EIF2AK4: variants seen among roughly 807,000 people sequenced by gnomAD.
EIF2AK4 encodes eIF-2-alpha kinase GCN2.
EIF2AK4 carries 139 observed loss-of-function variants against 211.1 expected under a neutral mutation model. That is an observed-to-expected ratio of 0.66 (90% CI 0.57 to 0.76). The LOEUF is 0.76. Among genes scored for constraint, EIF2AK4 ranks in the 30% least tolerant of loss-of-function variants. The pLI is 0.00. For missense variants in EIF2AK4, 1,664 were observed against 2,043.8 expected (o/e 0.81, Z 3.58); for synonymous variants, 710 against 751.3 (o/e 0.94, Z 0.90).
In EIF2AK4 at chr15:39,943,486, G is replaced by A; in HGVS notation, c.360+1G>A. Reference sequence around the variant, plus strand: ...ACTGGCCAAGAAACACTGTGGGGAGGTAAGATTTGTTAAACTGGAATTAAA... The same window carrying A: ...ACTGGCCAAGAAACACTGTGGGGAGATAAGATTTGTTAAACTGGAATTAAA... On this transcript the variant is annotated splice_donor_variant, in intron 3 of 38. Coordinates refer to ENST00000263791, the MANE Select transcript of EIF2AK4 (RefSeq NM_001013703.4). LOFTEE classifies it high-confidence loss of function. 3.2e-6 allele frequency: 5 copies of A among 1,572,180 alleles called. No homozygotes were observed. The highest frequency in any genetic ancestry group is 4.3e-6 in the Non-Finnish European group (5 of 1,166,152).
At position 40,017,192 on chromosome 15, in the gene EIF2AK4, CA is replaced by C; in HGVS notation, c.4018del (p.Arg1340GlyfsTer16). ...GTTTGTGGCTTTCATCAAACGAAGGCAAAGGGCTGTACCTGAAATCCTCGCA... is the reference window on the plus strand; with the variant it reads ...GTTTGTGGCTTTCATCAAACGAAGGCAAGGGCTGTACCTGAAATCCTCGCA... ...FQFVAFIKRRQRAVPEILAAG... is the reference protein window; with the variant it reads ...FQFVAFIKRRXRAVPEILAAG... On this transcript the variant is annotated frameshift_variant, in exon 29 of 39. Coordinates refer to ENST00000263791, the MANE Select transcript of EIF2AK4 (RefSeq NM_001013703.4). LOFTEE classifies it high-confidence loss of function. 6.2e-7 allele frequency: 1 copy of C among 1,613,956 alleles called. No homozygotes were observed. The highest frequency in any genetic ancestry group is 8.5e-7 in the Non-Finnish European group (1 of 1,179,888).
Position 39,967,388 on chromosome 15 carries a change from C to A in EIF2AK4, c.1062C>A (p.Ser354Arg), listed in dbSNP as rs369642562. The A allele has an allele frequency of 1.7e-5, 28 of 1,605,412 alleles. No homozygotes were observed. The highest frequency in any genetic ancestry group is 2.3e-5 in the Non-Finnish European group (27 of 1,173,608). ...AATTCAACTCACTGGTAAAATTGAG[C>A]CATCCAAATGTAGTACGCTACCTTG... Reference protein sequence around the residue: ...ETEFNSLVKLSHPNVVRYLAM... With the variant: ...ETEFNSLVKLRHPNVVRYLAM... The change falls in exon 9 of 39, where the codon AGC becomes AGA. Residue 354 changes from serine to arginine, a missense_variant. By Grantham distance (110) the Ser-to-Arg change is moderately radical (BLOSUM62 -1). Transcript: ENST00000263791.
intron 6 of EIF2AK4, among the ~76,000 whole-genome samples, chr15:39,957,963 A>G (rs1595547739): frequency 6.6e-6 from 1 of 152,364 alleles, no homozygotes; most frequent in East Asian, 1.9e-4. Context: ...TAAAGGCCTG[A>G]TACTCAAAGG....
At chr15:40,029,728 C>A (rs1037889118) in intron 34 of EIF2AK4, among the ~76,000 whole-genome samples, 28 of 152,158 alleles carry the variant, frequency 1.8e-4, no homozygotes, top group African/African-American at 6.5e-4. Flanking sequence ...ATTTATTGTA[C>A]AAGTGAAATG....
intron 11 of EIF2AK4, chr15:39,974,450 A>T (rs1383731829): frequency 6.6e-6 from 1 of 152,194 alleles, no homozygotes; most frequent in Non-Finnish European, 1.5e-5. Context: ...ATTGTCTGTT[A>T]AGGATTCTGA....
At position 40,016,450 on chromosome 15, in the gene EIF2AK4, G is replaced by C; in HGVS notation, c.3760-52G>C. The C allele has an allele frequency of 3.1e-6, 5 of 1,609,360 alleles. No individual in the cohort carries two copies. In the South Asian group the frequency reaches 5.5e-5, roughly 18 times the overall value. ...CAGGTGCACACAGTCGGTGCAAAGG[G>C]AGTCTTCCCCTGCTGTGGATGGGCA... On this transcript the variant is annotated intron_variant, in intron 27 of 38. Coordinates refer to ENST00000263791, the MANE Select transcript of EIF2AK4 (RefSeq NM_001013703.4).
intron 13 of EIF2AK4, among the ~76,000 whole-genome samples, chr15:39,979,661 C>T (rs553886765): frequency 1.3e-5 from 2 of 152,146 alleles, no homozygotes; most frequent in East Asian, 3.9e-4. Context: ...TGTCTTTTTG[C>T]CCACATTTAA....
Position 40,026,094 on chromosome 15 carries a change from C to T in EIF2AK4, c.4502+5C>T. 1 of 1,612,504 alleles carries T rather than the reference C, an allele frequency of 6.2e-7. No individual in the cohort carries two copies. The highest frequency in any genetic ancestry group is 8.5e-7 in the Non-Finnish European group (1 of 1,178,870). On this transcript the variant is annotated splice_donor_5th_base_variant and intron_variant, in intron 33 of 38. Coordinates refer to ENST00000263791, the MANE Select transcript of EIF2AK4 (RefSeq NM_001013703.4). Reference sequence around the variant, plus strand: ...CACTGATGAAAGGAATGGCAGGTAACTTAGGAAACAAAAGCCGAGAAAAGT... The same window carrying T: ...CACTGATGAAAGGAATGGCAGGTAATTTAGGAAACAAAAGCCGAGAAAAGT...
chr15:39,939,710 T>C lies in EIF2AK4; in HGVS notation c.257+93T>C, dbSNP rs2034118182. The C allele has an allele frequency of 4.2e-6, 4 of 957,750 alleles. No individual in the cohort carries two copies. The Admixed American group carries it at 1.1e-4, about 26-fold the overall frequency. The allele number at this position is 957,750 out of a possible 1,614,324, so 59.3% of individuals were successfully genotyped here. A position where few individuals can be genotyped will look rare whatever the true frequency, so the allele number is the denominator to read the frequency against. ...GAAATTCGTAGTATTTTCTCCTTCC[T>C]GCTCCCATTCCACATAAAATTTCAT... On this transcript the variant is annotated intron_variant, in intron 2 of 38. Transcript: ENST00000263791.
chr15:40,033,403 T>C (rs1014795998), intron 37 of EIF2AK4, among the ~76,000 whole-genome samples: 2 of 152,220 alleles, frequency 1.3e-5, no homozygotes, highest in Non-Finnish European at 2.9e-5. Flanking sequence ...TATATATATT[T>C]TTACAGGTAC....
rs756955094 is a variant in EIF2AK4 at position 40,022,552 on chromosome 15, C to A, written c.4336C>A (p.His1446Asn). Reference sequence around the variant, plus strand: ...GGAATTACAAGAGTACTGCAGACATCATGAAATCACCTATGTGGCCCTTGT... The same window carrying A: ...GGAATTACAAGAGTACTGCAGACATAATGAAATCACCTATGTGGCCCTTGT... ...QEELQEYCRH[H>N]EITYVALVSD... is the part of the protein sequence containing the mutation. Residue 1446 changes from histidine (H) to asparagine (N), a missense_variant, in exon 32 of 39, where the codon CAT becomes AAT. His to Asn is a moderately conservative substitution (Grantham distance 68). Around this residue, in one of 7 missense-constraint regions of EIF2AK4, gnomAD observed 622 missense variants for 796.8 expected, o/e 0.78. Coordinates refer to ENST00000263791, the MANE Select transcript of EIF2AK4 (RefSeq NM_001013703.4). 4 of 1,614,168 alleles carry A rather than the reference C, an allele frequency of 2.5e-6. No homozygotes were observed. The highest frequency in any genetic ancestry group is 3.4e-6 in the Non-Finnish European group (4 of 1,180,016).
At chr15:39,991,105 C>G (rs936376096) in intron 16 of EIF2AK4, 2 of 152,284 alleles carry the variant, frequency 1.3e-5, no homozygotes, top group African/African-American at 4.8e-5. Context: ...TATTAAGCAC[C>G]AAGATCTGTG....
chr15:40,029,285 C>A (rs2035506674), intron 33 of EIF2AK4, 121 bp from the exon 34 acceptor site: 3 of 1,392,234 alleles, frequency 2.2e-6, no homozygotes, highest in Non-Finnish European at 2.8e-6. Context: ...CACCAATAAC[C>A]AAGAAGATGT....
intron 3 of EIF2AK4, among the ~76,000 whole-genome samples, chr15:39,946,195 C>G (rs1249812142): frequency 1.3e-5 from 2 of 152,160 alleles, no homozygotes; most frequent in African/African-American, 4.8e-5. Flanking sequence ...TGTGTCTTAG[C>G]AAAGTAAATG....
chr15:39,976,058 C>G lies in EIF2AK4; in HGVS notation c.1819-356C>G, dbSNP rs1438305168. Among the ~76,000 whole-genome samples, 5 of 152,284 alleles carry G rather than the reference C, an allele frequency of 3.3e-5. No individual in the cohort carries two copies. In the East Asian group the frequency reaches 9.6e-4, roughly 29 times the overall value. ...AACTAAAATCATCTGAAACTTTACA[C>G]TGACTTTAGAAAATAATTTTTAATC... On this transcript the variant is annotated intron_variant, in intron 11 of 38. Transcript: ENST00000263791.
At chr15:39,986,658 A>G (rs891602888) in intron 14 of EIF2AK4, among the ~76,000 whole-genome samples, 4 of 152,352 alleles carry the variant, frequency 2.6e-5, no homozygotes, top group East Asian at 1.9e-4. Context: ...GTTTGAGACC[A>G]GTCTGGCTAA....
chr15:39,988,769 G>C (rs938814541), intron 15 of EIF2AK4, among the ~76,000 whole-genome samples: 1 of 152,236 alleles, frequency 6.6e-6, no homozygotes, highest in African/African-American at 2.4e-5. Flanking sequence ...GGGAGGTCAA[G>C]ATGGGCGGAT....
At chr15:40,032,652 C>A in intron 36 of EIF2AK4, 105 bp from the exon 37 acceptor site, 2 of 1,014,262 alleles carry the variant, frequency 2.0e-6, no homozygotes, top group African/African-American at 1.6e-5. Context: ...AATAGCATCT[C>A]AGACTCTGCA....
In EIF2AK4 at chr15:39,981,718, G is replaced by A. The variant is rs1003978794; in HGVS notation, c.2319+3571G>A. On this transcript the variant is annotated intron_variant, in intron 13 of 38. Transcript: ENST00000263791. ...AACTAATACTTTTTCTGCACTTGGT[G>A]TTATAAGTATTCAAATACATCTATT... is the stretch of plus-strand genomic sequence containing the variant. 2.6e-5 allele frequency among the ~76,000 whole-genome samples: 4 copies of A among 152,034 alleles called. No individual in the cohort carries two copies. In the South Asian group the frequency reaches 8.3e-4, roughly 32 times the overall value.
Sources: allele counts gnomAD v4.1 joint callset (sites outside exome capture counted in the v4.1 genomes callset), GRCh38; gene constraint gnomAD v4.1.1; regional missense constraint gnomAD v4.1.1; transcripts MANE v1.5; gene names NCBI Gene and HGNC (gene_info 2026-07-23, HGNC 2026-07-21).